The following FER variants were observed in gnomAD, a reference collection of about 807,000 sequenced individuals.
FER encodes FER tyrosine kinase.
A neutral mutation model predicts 111.0 loss-of-function variants in FER; 63 were observed. The ratio of observed to expected loss-of-function variants is 0.57; its 90% CI spans 0.46 to 0.70. The LOEUF (loss-of-function observed/expected upper bound fraction) is 0.70, where lower values mean the gene tolerates loss of function less well. Among genes scored for constraint, FER ranks in the 30% least tolerant of loss-of-function variants. The pLI, the probability that FER is intolerant of heterozygous loss-of-function variation, is 0.00. For synonymous variants in FER, 327 were observed against 313.9 expected, an observed-to-expected ratio of 1.04 and a Z score of -0.44; for missense variants, 914 against 954.0, an observed-to-expected ratio of 0.96 and a Z score of 0.55.
At chr5:109,104,826 T>C (rs940309866) in intron 17 of FER, among the ~76,000 whole-genome samples, 2 of 152,134 alleles carry the variant, frequency 1.3e-5, no homozygotes, top group African/African-American at 4.8e-5. Context: ...CACTGCAAGC[T>C]CTGCCTCCCA....
intron 13 of FER, among the ~76,000 whole-genome samples, chr5:108,965,692 T>G (rs1451231218): frequency 6.6e-6 from 1 of 152,150 alleles, no homozygotes. Flanking sequence ...CAACTCCAGC[T>G]AGCATAAATC....
chr5:108,894,328 A>G (rs1748693815), intron 9 of FER: 1 of 924,120 alleles, frequency 1.1e-6, no homozygotes, highest in Non-Finnish European at 1.4e-6. Context: ...AGGAAGGGGA[A>G]GAGGAGGAGG....
At chr5:108,993,573 G>T (rs928779633) in intron 13 of FER, among the ~76,000 whole-genome samples, 5 of 140,210 alleles carry the variant, frequency 3.6e-5, no homozygotes, top group South Asian at 2.2e-4. Context: ...AGACCGTGGG[G>T]AGAGGGAGAG....
rs988042332 is a variant in FER, at chr5:109,196,628, T to C, written c.*9053T>C. On this transcript the variant is annotated 3_prime_UTR_variant, in exon 20 of 20. Coordinates refer to ENST00000281092, the MANE Select transcript of FER (RefSeq NM_005246.4). ...TATTTAACACTTATTTATTTGTTAG[T>C]TTTTACATTCAAAAGAAATACACTT... 2.0e-5 allele frequency: 3 copies of C among 151,964 alleles called. No individual in the cohort carries two copies. The highest frequency in any genetic ancestry group is 4.4e-5 in the Non-Finnish European group (3 of 67,966). The allele number at this position is 151,964 out of a possible 1,614,324, so 9.4% of individuals were successfully genotyped here. A position where few individuals can be genotyped will look rare whatever the true frequency, so the allele number is the denominator to read the frequency against.
chr5:108,772,314 A>G (rs187940383), intron 2 of FER, among the ~76,000 whole-genome samples: 5 of 140,718 alleles, frequency 3.6e-5, no homozygotes, highest in East Asian at 2.0e-4. Flanking sequence ...CCATATATAT[A>G]TGTATGTATA....
chr5:108,993,847 G>T (rs1020339244), intron 13 of FER, among the ~76,000 whole-genome samples: 1 of 152,108 alleles, frequency 6.6e-6, no homozygotes, highest in African/African-American at 2.4e-5. Flanking sequence ...TGGTATCTTT[G>T]TGGTTTTGAT....
chr5:109,162,869 T>G (rs1165619798), intron 17 of FER, among the ~76,000 whole-genome samples: 1 of 151,968 alleles, frequency 6.6e-6, no homozygotes, highest in Non-Finnish European at 1.5e-5. Flanking sequence ...TTTATTGCAC[T>G]ATAAATACAA....
At chr5:108,921,859 A>G (rs953144246) in intron 10 of FER, among the ~76,000 whole-genome samples, 2 of 152,200 alleles carry the variant, frequency 1.3e-5, no homozygotes, top group Non-Finnish European at 2.9e-5. Flanking sequence ...ATTGATGATC[A>G]CATCTGTTAT....
chr5:109,119,815 CA>C (rs1276207638), intron 17 of FER, among the ~76,000 whole-genome samples: 23 of 152,122 alleles, frequency 1.5e-4, no homozygotes, highest in African/African-American at 5.3e-4. Context: ...GAAATCATTT[CA>C]ACTGGGGTAA....
chr5:108,963,557 A>G (rs1759417657), intron 13 of FER, among the ~76,000 whole-genome samples: 1 of 152,176 alleles, frequency 6.6e-6, no homozygotes, highest in African/African-American at 2.4e-5. Flanking sequence ...GTGAAACTCC[A>G]TCTCAAAAAA....
intron 3 of FER, chr5:108,820,480 A>C: frequency 1.0e-6 from 1 of 985,456 alleles, no homozygotes; most frequent in African/African-American, 1.7e-5. Flanking sequence ...GAATAAAAGC[A>C]ATTGAGGAGC....
At chr5:108,908,952 G>A (rs557510895) in intron 10 of FER, among the ~76,000 whole-genome samples, 3 of 152,124 alleles carry the variant, frequency 2.0e-5, no homozygotes, top group Admixed American at 2.0e-4. Flanking sequence ...GATGGCTTGA[G>A]CCCAGGAGGC....
chr5:108,920,320 ATTATT>A (rs2149549847), intron 10 of FER, among the ~76,000 whole-genome samples: 2 of 152,202 alleles, frequency 1.3e-5, no homozygotes, highest in African/African-American at 4.8e-5. Flanking sequence ...TTTTGTTATA[ATTATT>A]TTAAATTGTT....
At chr5:109,009,305 G>A (rs1400166712) in intron 13 of FER, among the ~76,000 whole-genome samples, 1 of 151,828 alleles carries the variant, frequency 6.6e-6, no homozygotes, top group East Asian at 1.9e-4. Flanking sequence ...CAAAGTGGTG[G>A]GATTACAGGT....
intron 10 of FER, among the ~76,000 whole-genome samples, chr5:108,908,631 G>GA (rs1364262714): frequency 6.6e-6 from 1 of 151,336 alleles, no homozygotes; most frequent in African/African-American, 2.4e-5. Flanking sequence ...TGAGGCAGGA[G>GA]AATGCTGTGA....
At chr5:109,007,977 A>G (rs1188042955) in intron 13 of FER, among the ~76,000 whole-genome samples, 1 of 152,160 alleles carries the variant, frequency 6.6e-6, no homozygotes, top group Non-Finnish European at 1.5e-5. Flanking sequence ...TCTCATAGGT[A>G]TATATAATGG....
At chr5:109,098,633 G>A (rs1295921735) in intron 16 of FER, among the ~76,000 whole-genome samples, 1 of 151,530 alleles carries the variant, frequency 6.6e-6, no homozygotes, top group Non-Finnish European at 1.5e-5. Context: ...ATTTTAATAG[G>A]CATTTTAGTA....
intron 13 of FER, among the ~76,000 whole-genome samples, chr5:109,015,242 G>A (rs1766916417): frequency 6.6e-6 from 1 of 151,936 alleles, no homozygotes; most frequent in Non-Finnish European, 1.5e-5. Flanking sequence ...GTTCCATTTT[G>A]ATTTTGCTGT....
chr5:109,081,802 A>G (rs1039495493), intron 16 of FER, among the ~76,000 whole-genome samples: 5 of 152,032 alleles, frequency 3.3e-5, no homozygotes, highest in Non-Finnish European at 7.4e-5. Flanking sequence ...TTTAAAATCA[A>G]TACTCCTAAA....
Sources: gnomAD v4.1 joint callset for allele counts (sites outside exome capture counted in the v4.1 genomes callset) on GRCh38, gnomAD v4.1.1 for gene constraint, MANE v1.5 for transcripts, NCBI Gene and HGNC (gene_info 2026-07-23, HGNC 2026-07-21) for gene names.